MIPOL1: variants seen among roughly 807,000 people sequenced by gnomAD.
MIPOL1 encodes the protein mirror-image polydactyly 1, also known as mirror-image polydactyly gene 1 protein.
MIPOL1 carries 57 observed loss-of-function variants against 60.9 expected under a neutral mutation model. That is an observed-to-expected ratio of 0.94 (90% CI 0.76 to 1.17). The LOEUF (loss-of-function observed/expected upper bound fraction) is 1.17. Ranked by LOEUF, MIPOL1 falls within the 50% of genes most tolerant of loss-of-function variation. The pLI, the probability that MIPOL1 is intolerant of heterozygous loss-of-function variation, is 0.00. For synonymous variants in MIPOL1, 179 were observed against 168.8 expected (o/e 1.06, Z -0.47); for missense variants, 551 against 511.6 (o/e 1.08, Z -0.74).
At chr14:37,413,278 T>C (rs1350716978) in intron 10 of MIPOL1, among the ~76,000 whole-genome samples, 1 of 152,142 alleles carries the variant, frequency 6.6e-6, no homozygotes, top group Admixed American at 6.5e-5. Context: ...TAAATGTTAA[T>C]GTAAATATTG....
chr14:37,240,485 T>G (rs1385237250), intron 1 of MIPOL1: 1 of 152,168 alleles, frequency 6.6e-6, no homozygotes, highest in Non-Finnish European at 1.5e-5. Flanking sequence ...AACCTTTGTA[T>G]GAAGGAGTGT....
chr14:37,454,486 T>G (rs779136798), intron 11 of MIPOL1, among the ~76,000 whole-genome samples: 2 of 152,242 alleles, frequency 1.3e-5, no homozygotes, highest in Non-Finnish European at 2.9e-5. Flanking sequence ...GTATTATCTG[T>G]CTTACAATTG....
intron 12 of MIPOL1, among the ~76,000 whole-genome samples, chr14:37,518,498 T>G (rs1471794674): frequency 6.6e-6 from 1 of 152,052 alleles, no homozygotes; most frequent in African/African-American, 2.4e-5. Flanking sequence ...ACACACCCAG[T>G]TCATTTTTGT....
chr14:37,243,822 G>A (rs1972725481), intron 1 of MIPOL1, among the ~76,000 whole-genome samples: 1 of 152,118 alleles, frequency 6.6e-6, no homozygotes, highest in Admixed American at 6.5e-5. Context: ...GTAAATGTCA[G>A]AATTACTTAC....
At chr14:37,380,383 T>G (rs943583406) in intron 10 of MIPOL1, among the ~76,000 whole-genome samples, 6 of 152,110 alleles carry the variant, frequency 3.9e-5, no homozygotes, top group Non-Finnish European at 5.9e-5. Context: ...AATGTGGAAT[T>G]GCTCTAACAG....
chr14:37,233,419 TA>T (rs1970934046), intron 1 of MIPOL1, among the ~76,000 whole-genome samples: 1 of 152,214 alleles, frequency 6.6e-6, no homozygotes, highest in Non-Finnish European at 1.5e-5. Flanking sequence ...AATTAAAAGA[TA>T]AAAAATATAA....
At chr14:37,276,277 A>T (rs2083652448) in intron 6 of MIPOL1, 1 of 150,962 alleles carries the variant, frequency 6.6e-6, no homozygotes, top group Non-Finnish European at 1.5e-5. Context: ...AATTAAAAAA[A>T]TATGTTGTCA....
At chr14:37,357,085 C>T (rs918589562) in intron 9 of MIPOL1, among the ~76,000 whole-genome samples, 3 of 152,172 alleles carry the variant, frequency 2.0e-5, no homozygotes, top group African/African-American at 7.2e-5. Context: ...GCAGATATCT[C>T]TTCAATATAC....
intron 3 of MIPOL1, 99 bp downstream of exon 3, chr14:37,248,006 G>A (rs1221946640): frequency 8.4e-7 from 1 of 1,185,080 alleles, no homozygotes; most frequent in Non-Finnish European, 1.2e-6. Flanking sequence ...TTAGACAGAG[G>A]TAGACAAGTG....
intron 7 of MIPOL1, among the ~76,000 whole-genome samples, chr14:37,290,706 T>A (rs1437460133): frequency 6.6e-6 from 1 of 152,200 alleles, no homozygotes; most frequent in African/African-American, 2.4e-5. Flanking sequence ...TTTACCTTTT[T>A]TAAAAAACTT....
intron 6 of MIPOL1, among the ~76,000 whole-genome samples, chr14:37,284,820 T>A (rs1016268484): frequency 6.6e-6 from 1 of 152,250 alleles, no homozygotes; most frequent in East Asian, 1.9e-4. Context: ...TATTTATTCC[T>A]GTTAATGTTG....
chr14:37,296,885 A>T (rs548097240), intron 7 of MIPOL1, among the ~76,000 whole-genome samples: 1 of 152,308 alleles, frequency 6.6e-6, no homozygotes, highest in Non-Finnish European at 1.5e-5. Context: ...TACAAGGAGG[A>T]ACTGGTACCA....
chr14:37,545,378 G>A (rs1403823068), intron 12 of MIPOL1, among the ~76,000 whole-genome samples: 8 of 152,172 alleles, frequency 5.3e-5, no homozygotes, highest in African/African-American at 1.2e-4. Context: ...TATTCAGAGT[G>A]TGTAAGTTAG....
At chr14:37,342,071 A>G (rs2090610527) in intron 9 of MIPOL1, among the ~76,000 whole-genome samples, 1 of 152,178 alleles carries the variant, frequency 6.6e-6, no homozygotes, top group South Asian at 2.1e-4. Flanking sequence ...CATAAATAAT[A>G]TGCATGTTGG....
At chr14:37,337,888 A>G (rs562439646) in intron 9 of MIPOL1, among the ~76,000 whole-genome samples, 8 of 152,096 alleles carry the variant, frequency 5.3e-5, no homozygotes, top group African/African-American at 1.9e-4. Context: ...TTATTTTGAT[A>G]AAATCCAATT....
chr14:37,466,012 A>G (rs1327210652), intron 11 of MIPOL1, among the ~76,000 whole-genome samples: 1 of 152,192 alleles, frequency 6.6e-6, no homozygotes, highest in Non-Finnish European at 1.5e-5. Flanking sequence ...AAGGGGCTCA[A>G]CAGATAATTT....
At chr14:37,472,545 A>C (rs1461049333) in intron 11 of MIPOL1, among the ~76,000 whole-genome samples, 1 of 152,174 alleles carries the variant, frequency 6.6e-6, no homozygotes. Context: ...TCTAAGTAGA[A>C]TTAGGATGAA....
At chr14:37,383,418 T>C (rs116289756) in intron 10 of MIPOL1, among the ~76,000 whole-genome samples, 1,536 of 151,992 alleles carry the variant, frequency 0.01, 28 homozygotes, top group African/African-American at 0.034. Context: ...TCATTTTAAA[T>C]ACTAGAAAGA....
intron 11 of MIPOL1, among the ~76,000 whole-genome samples, chr14:37,471,862 T>C (rs1037882991): frequency 5.3e-5 from 8 of 152,198 alleles, no homozygotes; most frequent in African/African-American, 1.9e-4. Flanking sequence ...TCCTTTGCTT[T>C]GTAGCATTTA....
Sources: allele counts gnomAD v4.1 joint callset (sites outside exome capture counted in the v4.1 genomes callset), GRCh38; gene constraint gnomAD v4.1.1; transcripts MANE v1.5; gene names NCBI Gene and HGNC (gene_info 2026-07-23, HGNC 2026-07-21).